Variants in TTC39B observed in about 807,000 individuals in gnomAD.
TTC39B encodes tetratricopeptide repeat domain 39B, also known as tetratricopeptide repeat protein 39B.
TTC39B carries 92 observed loss-of-function variants against 96.6 expected under a neutral mutation model. That is an observed-to-expected ratio of 0.95 (90% CI 0.80 to 1.13). The LOEUF is 1.13. Ranked by LOEUF, TTC39B falls within the 50% of genes most tolerant of loss-of-function variation. The pLI, the probability that TTC39B is intolerant of heterozygous loss-of-function variation, is 0.00. For missense variants in TTC39B, 955 were observed against 809.3 expected, an observed-to-expected ratio of 1.18 and a Z score of -2.18; for synonymous variants, 367 against 299.4, an observed-to-expected ratio of 1.23 and a Z score of -2.33.
chr9:15,179,132 T>C (rs917797964), intron 17 of TTC39B, among the ~76,000 whole-genome samples: 3 of 152,176 alleles, frequency 2.0e-5, no homozygotes, highest in African/African-American at 7.2e-5. Context: ...GAAGGAACCA[T>C]ATTACGTGTG....
In TTC39B at chr9:15,196,825, C is replaced by T. The variant is rs116882117; in HGVS notation, c.824+3036G>A. On this transcript the variant is annotated intron_variant, in intron 8 of 19. Coordinates refer to ENST00000512701, the Ensembl canonical transcript of TTC39B. ...AAGTGCCATCAAGTGGTATTGCATG[C>T]TATAGAAAAATCTTTTATGAAAGGA... Among the ~76,000 whole-genome samples, 699 of 152,228 alleles carry T rather than the reference C, an allele frequency of 4.6e-3. 5 individuals are homozygous for T. Among genetic ancestry groups the T allele is most frequent in the Non-Finnish European group, 7.5e-3 (507 of 68,014 alleles).
chr9:15,201,283 C>G (rs182352328), intron 7 of TTC39B, among the ~76,000 whole-genome samples: 1 of 151,226 alleles, frequency 6.6e-6, no homozygotes, highest in East Asian at 1.9e-4. Context: ...ACAAACATAT[C>G]TCATTTCAGG....
At chr9:15,185,161 A>G (rs1818450938) in intron 16 of TTC39B, 119 bp downstream of exon 16, 4 of 1,309,266 alleles carry the variant, frequency 3.1e-6, no homozygotes, top group Non-Finnish European at 4.1e-6. Flanking sequence ...TCAACTTACA[A>G]CAAAACCTAC....
At chr9:15,271,045 G>A (rs1414300482) in intron 1 of TTC39B, among the ~76,000 whole-genome samples, 2 of 147,556 alleles carry the variant, frequency 1.4e-5, no homozygotes, top group Admixed American at 6.8e-5. Flanking sequence ...ACACAGTGAA[G>A]AAACTGGGGT....
intron 1 of TTC39B, among the ~76,000 whole-genome samples, chr9:15,279,465 C>T (rs1823671335): frequency 6.6e-6 from 1 of 152,156 alleles, no homozygotes; most frequent in Admixed American, 6.5e-5. Context: ...AAGCTTAGAA[C>T]CACTCTATCT....
chr9:15,244,655 C>T (rs138214565), intron 2 of TTC39B, among the ~76,000 whole-genome samples: 2 of 152,184 alleles, frequency 1.3e-5, no homozygotes, highest in African/African-American at 4.8e-5. Flanking sequence ...TCCCATTAGA[C>T]AGACCATTAT....
Position 15,224,782 on chromosome 9 carries a change from C to T in TTC39B, c.371+1135G>A, listed in dbSNP as rs150483884. Among the ~76,000 whole-genome samples the T allele has an allele frequency of 9.9e-5, 15 of 152,200 alleles. No homozygotes were observed. The East Asian group carries it at 2.5e-3, about 25-fold the overall frequency. ...CAAAATTCCATGAGCAGGAATTTTACACACACAGTAAAAAAAAGGATATGG... is the reference window on the plus strand; with the variant it reads ...CAAAATTCCATGAGCAGGAATTTTATACACACAGTAAAAAAAAGGATATGG... On this transcript the variant is annotated intron_variant, in intron 3 of 19. Transcript: ENST00000512701.
At chr9:15,190,769 A>C in intron 10 of TTC39B, 107 bp from the exon 11 acceptor site, 6 of 893,994 alleles carry the variant, frequency 6.7e-6, no homozygotes, top group Non-Finnish European at 1.1e-5. Context: ...TACAGATTTC[A>C]TATATTACGC....
At chr9:15,294,453 A>G (rs1467304989) in intron 1 of TTC39B, among the ~76,000 whole-genome samples, 3 of 152,232 alleles carry the variant, frequency 2.0e-5, no homozygotes, top group Non-Finnish European at 4.4e-5. Flanking sequence ...GGAGAAAACA[A>G]AGGTTACAAC....
intron 3 of TTC39B, among the ~76,000 whole-genome samples, chr9:15,215,959 T>C (rs1428251845): frequency 6.6e-6 from 1 of 152,236 alleles, no homozygotes; most frequent in Non-Finnish European, 1.5e-5. Flanking sequence ...CTCTTCAATT[T>C]CATTCTTTAA....
intron 2 of TTC39B, among the ~76,000 whole-genome samples, chr9:15,264,360 T>C (rs1261649139): frequency 2.6e-5 from 4 of 151,950 alleles, no homozygotes; most frequent in African/African-American, 9.7e-5. Context: ...GGAAAAAAAA[T>C]GGGTAACTAG....
chr9:15,225,439 T>A (rs1244222962), intron 3 of TTC39B, among the ~76,000 whole-genome samples: 1 of 152,084 alleles, frequency 6.6e-6, no homozygotes, highest in African/African-American at 2.4e-5. Context: ...AAGAAAGAAA[T>A]AATCATAATA....
intron 2 of TTC39B, among the ~76,000 whole-genome samples, chr9:15,242,672 C>G (rs1358545674): frequency 6.6e-6 from 1 of 152,148 alleles, no homozygotes; most frequent in African/African-American, 2.4e-5. Context: ...GATTTTGGTT[C>G]ATCCTTCTAG....
chr9:15,287,920 T>G (rs578055179), intron 1 of TTC39B, among the ~76,000 whole-genome samples: 1 of 119,206 alleles, frequency 8.4e-6, no homozygotes, highest in African/African-American at 3.2e-5. Flanking sequence ...CACTCCAGCC[T>G]GGGCGACAGG....
At chr9:15,231,984 G>A (rs751536414) in intron 2 of TTC39B, among the ~76,000 whole-genome samples, 25 of 152,050 alleles carry the variant, frequency 1.6e-4, no homozygotes, top group Middle Eastern at 3.2e-3. Context: ...GAGCTCCCCC[G>A]AGTCACCCCC....
chr9:15,184,345 T>C (rs900282743), intron 16 of TTC39B, among the ~76,000 whole-genome samples: 2 of 151,786 alleles, frequency 1.3e-5, no homozygotes, highest in African/African-American at 4.8e-5. Context: ...AGGATATTCA[T>C]TGCAGTGTAT....
At chr9:15,206,753 T>C (rs1246377791) in intron 6 of TTC39B, among the ~76,000 whole-genome samples, 1 of 152,196 alleles carries the variant, frequency 6.6e-6, no homozygotes, top group Non-Finnish European at 1.5e-5. Flanking sequence ...AGTTTATTTT[T>C]TTTATTTATG....
intron 14 of TTC39B, 117 bp from the exon 15 acceptor site, chr9:15,187,152 T>C (rs1297711796): frequency 1.5e-6 from 1 of 680,888 alleles, no homozygotes; most frequent in Non-Finnish European, 2.4e-6. Flanking sequence ...ATTAAAGAAA[T>C]CAGAGGAAAT....
chr9:15,224,023 A>T (rs964909705), intron 3 of TTC39B, among the ~76,000 whole-genome samples: 1 of 152,062 alleles, frequency 6.6e-6, no homozygotes, highest in African/African-American at 2.4e-5. Context: ...CACAAATCTC[A>T]TTCATTTCTA....
Sources: gnomAD v4.1 joint callset for allele counts (sites outside exome capture counted in the v4.1 genomes callset) on GRCh38, gnomAD v4.1.1 for gene constraint, MANE v1.5 for transcripts, NCBI Gene and HGNC (gene_info 2026-07-23, HGNC 2026-07-21) for gene names.